DGKH: variants seen among roughly 807,000 people sequenced by gnomAD.
The protein encoded by DGKH is diacylglycerol kinase eta.
A neutral mutation model predicts 159.3 loss-of-function variants in DGKH; 90 were observed. That is an observed-to-expected ratio of 0.57 (90% CI 0.48 to 0.67). The LOEUF (loss-of-function observed/expected upper bound fraction) is 0.67. Ranked by LOEUF, DGKH falls within the 30% of genes least tolerant of loss-of-function variation. The pLI is 0.00. For synonymous variants in DGKH, 536 were observed against 553.8 expected, an observed-to-expected ratio of 0.97 and a Z score of 0.45; for missense variants, 1,181 against 1,506.1, an observed-to-expected ratio of 0.78 and a Z score of 3.57.
chr13:42,161,781 C>CA (rs34855614), intron 7 of DGKH, among the ~76,000 whole-genome samples: 3,417 of 100,436 alleles, frequency 0.034, 58 homozygotes, highest in African/African-American at 0.068. Context: ...CTCTGCCTCT[C>CA]AAAAAAAAAA....
upstream of DGKH, among the ~76,000 whole-genome samples, chr13:42,046,919 T>C (rs780004359): frequency 6.6e-6 from 1 of 152,248 alleles, no homozygotes; most frequent in African/African-American, 2.4e-5. Flanking sequence ...GACCCTTTAC[T>C]AGGTGTCCTT....
At chr13:42,118,909 C>A (rs1955012950) in intron 1 of DGKH, among the ~76,000 whole-genome samples, 1 of 152,208 alleles carries the variant, frequency 6.6e-6, no homozygotes, top group African/African-American at 2.4e-5. Context: ...AGGTTATTTA[C>A]ATTTCCTTAA....
chr13:42,221,197 C>A, intron 28 of DGKH, 67 bp from the exon 29 acceptor site: 1 of 1,578,792 alleles, frequency 6.3e-7, no homozygotes, highest in Non-Finnish European at 8.6e-7. Flanking sequence ...TCTTCTTTGG[C>A]CAACCTTTGC....
upstream of DGKH, among the ~76,000 whole-genome samples, chr13:42,047,328 T>TA (rs1241748881): frequency 1.5e-4 from 22 of 148,404 alleles, no homozygotes; most frequent in South Asian, 2.1e-4. Context: ...GACTGCAAGT[T>TA]AAAAAAAAAA....
intron 1 of DGKH, among the ~76,000 whole-genome samples, chr13:42,042,423 T>C (rs773096873): frequency 1.1e-4 from 17 of 152,244 alleles, no homozygotes; most frequent in Non-Finnish European, 1.2e-4. Flanking sequence ...AAAATGCTCA[T>C]TTATTTTCCA....
At chr13:42,128,846 A>T (rs1480505445) in intron 2 of DGKH, among the ~76,000 whole-genome samples, 1 of 152,176 alleles carries the variant, frequency 6.6e-6, no homozygotes, top group Non-Finnish European at 1.5e-5. Context: ...TCTACAGTCT[A>T]CTTCAGTTTC....
chr13:42,136,200 A>G (rs1347210665), intron 3 of DGKH, among the ~76,000 whole-genome samples: 4 of 152,220 alleles, frequency 2.6e-5, no homozygotes, highest in Non-Finnish European at 1.5e-5. Flanking sequence ...TCATCTCCCT[A>G]TTTCCAAGTA....
intron 1 of DGKH, among the ~76,000 whole-genome samples, chr13:42,086,719 T>C (rs1304426124): frequency 6.6e-6 from 1 of 152,114 alleles, no homozygotes; most frequent in Non-Finnish European, 1.5e-5. Context: ...GACATGACAG[T>C]GATCACTTAG....
chr13:42,178,271 T>C, intron 13 of DGKH, 51 bp downstream of exon 13: 1 of 1,395,014 alleles, frequency 7.2e-7, no homozygotes, highest in Non-Finnish European at 9.9e-7. Context: ...AAATGATAGC[T>C]GGCTCCTACC....
At chr13:42,199,965 G>A (rs989682853) in intron 20 of DGKH, 56 bp downstream of exon 20, 22 of 1,450,994 alleles carry the variant, frequency 1.5e-5, no homozygotes, top group Middle Eastern at 2.1e-4. Flanking sequence ...AAAAAATATC[G>A]TTTTGGAGCT....
chr13:42,217,591 A>G (rs2209512), intron 26 of DGKH, among the ~76,000 whole-genome samples: 20,079 of 146,606 alleles, frequency 0.14, 1,690 homozygotes, highest in Admixed American at 0.24. Flanking sequence ...GATACTGTGA[A>G]TAACAAGGGG....
At chr13:42,102,055 TTGA>T (rs776833013) in intron 1 of DGKH, among the ~76,000 whole-genome samples, 1 of 152,156 alleles carries the variant, frequency 6.6e-6, no homozygotes, top group African/African-American at 2.4e-5. Flanking sequence ...GCCCAGCATC[TTGA>T]TGGTGTGATT....
downstream of DGKH, among the ~76,000 whole-genome samples, chr13:42,244,939 A>AACATACAC (rs1194415606): frequency 2.2e-4 from 32 of 147,580 alleles, no homozygotes; most frequent in South Asian, 6.2e-3. Context: ...AAAAAAGAAC[A>AACATACAC]ACATACACAA....
chr13:42,040,659 A>C (rs1240348096), intron 1 of DGKH, among the ~76,000 whole-genome samples: 2 of 143,896 alleles, frequency 1.4e-5, no homozygotes, highest in Non-Finnish European at 3.0e-5. Context: ...GAGAAGGAGG[A>C]GGCGGCGGAG....
At chr13:42,197,252 C>CAAAAA (rs71703387) in intron 17 of DGKH, among the ~76,000 whole-genome samples, 4 of 86,194 alleles carry the variant, frequency 4.6e-5, no homozygotes, top group African/African-American at 7.1e-5. Flanking sequence ...TCTATCTCAA[C>CAAAAA]AAAAAAAAAA....
intron 17 of DGKH, among the ~76,000 whole-genome samples, chr13:42,197,774 T>C (rs1957237423): frequency 6.6e-6 from 1 of 152,188 alleles, no homozygotes; most frequent in African/African-American, 2.4e-5. Flanking sequence ...CCCTTGTTCT[T>C]GTAGGTTCCT....
At chr13:42,186,876 T>C (rs971505178) in intron 13 of DGKH, among the ~76,000 whole-genome samples, 173 bp from the exon 14 acceptor site, 5 of 152,260 alleles carry the variant, frequency 3.3e-5, no homozygotes, top group Admixed American at 3.3e-4. Flanking sequence ...TCACTTAGAA[T>C]GTCTTGGACT....
At chr13:42,140,216 G>A in intron 3 of DGKH, among the ~76,000 whole-genome samples, 1 of 152,178 alleles carries the variant, frequency 6.6e-6, no homozygotes, top group East Asian at 1.9e-4. Flanking sequence ...CTTGTGGATT[G>A]CCAGTGGCAG....
At chr13:42,167,625 G>A (rs1400364453) in intron 9 of DGKH, among the ~76,000 whole-genome samples, 1 of 151,910 alleles carries the variant, frequency 6.6e-6, no homozygotes, top group East Asian at 1.9e-4. Context: ...CCTTATCTAC[G>A]TGTACTGCCC....
Sources: gnomAD v4.1 joint callset for allele counts (sites outside exome capture counted in the v4.1 genomes callset) on GRCh38, gnomAD v4.1.1 for gene constraint, MANE v1.5 for transcripts, NCBI Gene and HGNC (gene_info 2026-07-23, HGNC 2026-07-21) for gene names.